Variants in WDR1 observed in about 807,000 individuals in gnomAD.
The protein encoded by WDR1 is WD repeat domain 1.
WDR1 carries 21 observed loss-of-function variants against 71.9 expected under a neutral mutation model. The ratio of observed to expected loss-of-function variants is 0.29; its 90% CI spans 0.21 to 0.42. The LOEUF (loss-of-function observed/expected upper bound fraction) is 0.42, where lower values mean the gene tolerates loss of function less well. Ranked by LOEUF, WDR1 falls within the 10% of genes least tolerant of loss-of-function variation. The probability of loss-of-function intolerance (pLI) is 1.00; values close to 1 mark genes in which losing one functional copy is unlikely to be tolerated. For missense variants in WDR1, 696 were observed against 824.5 expected, an observed-to-expected ratio of 0.84 and a Z score of 1.91; for synonymous variants, 424 against 347.4, an observed-to-expected ratio of 1.22 and a Z score of -2.45.
chr4:10,111,042 C>G (rs988550793), intron 2 of WDR1, among the ~76,000 whole-genome samples: 1 of 152,260 alleles, frequency 6.6e-6, no homozygotes, highest in Non-Finnish European at 1.5e-5. Flanking sequence ...GGAACCTGCG[C>G]TGACGCCGCC....
intron 2 of WDR1, among the ~76,000 whole-genome samples, chr4:10,114,000 C>T (rs561853613): frequency 6.6e-6 from 1 of 152,182 alleles, no homozygotes; most frequent in Non-Finnish European, 1.5e-5. Flanking sequence ...GCATTCCAAA[C>T]AGACCATCAT....
chr4:10,082,747 C>G (rs1765065939), intron 10 of WDR1, among the ~76,000 whole-genome samples: 2 of 152,202 alleles, frequency 1.3e-5, no homozygotes, highest in Admixed American at 1.3e-4. Flanking sequence ...GCAGCAGGTT[C>G]CTGGAGAACA....
chr4:10,111,900 A>C (rs1020087871), intron 2 of WDR1, among the ~76,000 whole-genome samples: 1 of 150,872 alleles, frequency 6.6e-6, no homozygotes, highest in Non-Finnish European at 1.5e-5. Flanking sequence ...GCACTCCCGG[A>C]AACTCAATTT....
chr4:10,089,749 C>T (rs955336208), intron 5 of WDR1, among the ~76,000 whole-genome samples: 1 of 152,202 alleles, frequency 6.6e-6, no homozygotes. Context: ...AACCCCAAGG[C>T]GGATAAGCTG....
chr4:10,088,398 GT>G, intron 6 of WDR1, 25 bp from the exon 7 acceptor site: 2 of 1,547,824 alleles, frequency 1.3e-6, no homozygotes, highest in Non-Finnish European at 1.7e-6. Context: ...AAACATGTGG[GT>G]CATGTGTGTG....
intron 2 of WDR1, among the ~76,000 whole-genome samples, chr4:10,112,679 G>T (rs1192334028): frequency 1.3e-5 from 2 of 150,906 alleles, no homozygotes; most frequent in African/African-American, 4.9e-5. Context: ...ACAAAATTTA[G>T]GTCCGGCAAT....
At chr4:10,107,086 A>G (rs1324906415) in intron 2 of WDR1, among the ~76,000 whole-genome samples, 1 of 152,182 alleles carries the variant, frequency 6.6e-6, no homozygotes, top group Non-Finnish European at 1.5e-5. Context: ...GCAGGAAGCC[A>G]ATTCCAGGAG....
chr4:10,097,664 C>T, intron 5 of WDR1, 47 bp downstream of exon 5: 15 of 1,576,138 alleles, frequency 9.5e-6, no homozygotes, highest in Non-Finnish European at 1.2e-5. Context: ...CCTCTGCTAG[C>T]CTCATGTACA....
intron 2 of WDR1, 108 bp downstream of exon 2, chr4:10,116,005 A>C (rs1327909308): frequency 1.4e-6 from 2 of 1,451,204 alleles, no homozygotes; most frequent in Non-Finnish European, 1.9e-6. Context: ...TGGCGCCCTC[A>C]CCCTCCCCGG....
chr4:10,099,174 C>CGGGGGGGGGGGGGGGGGGGGGGGG, intron 3 of WDR1, 35 bp from the exon 4 acceptor site: 1 of 109,374 alleles, frequency 9.1e-6, no homozygotes, highest in Admixed American at 1.3e-4. Context: ...GGGGGGGAGG[C>CGGGGGGGGGGGGGGGGGGGGGGGG]GGTGGTGGGG....
intron 5 of WDR1, among the ~76,000 whole-genome samples, chr4:10,095,494 C>T (rs1222775805): frequency 6.6e-6 from 1 of 152,184 alleles, no homozygotes; most frequent in East Asian, 1.9e-4. Flanking sequence ...ACTCACACCT[C>T]CTCTCACTTC....
At chr4:10,095,795 G>C (rs1300080355) in intron 5 of WDR1, 1 of 152,262 alleles carries the variant, frequency 6.6e-6, no homozygotes, top group East Asian at 1.9e-4. Context: ...CCCTGTTTCC[G>C]GGAGGGCCCA....
At chr4:10,097,670 G>A in intron 5 of WDR1, 41 bp downstream of exon 5, 1 of 1,587,344 alleles carries the variant, frequency 6.3e-7, no homozygotes, top group Non-Finnish European at 8.6e-7. Context: ...CTAGCCTCAT[G>A]TACAAACCAC....
intron 5 of WDR1, chr4:10,094,661 G>A (rs1441564968): frequency 6.6e-6 from 1 of 152,216 alleles, no homozygotes; most frequent in Non-Finnish European, 1.5e-5. Flanking sequence ...AACCCCGGAA[G>A]TTACTTCCGC....
Position 10,075,075 on chromosome 4 carries a change from G to A in WDR1, c.*303C>T. ...GGGGCCAGGGGCTCTGTGTGCTTTG[G>A]AGGCTACTGCCTCTGGAATGTTTCG... On this transcript the variant is annotated 3_prime_UTR_variant, in exon 15 of 15. Transcript: ENST00000499869. 2 of 461,088 alleles carry A rather than the reference G, an allele frequency of 4.3e-6. No homozygotes were observed. The highest frequency in any genetic ancestry group is 7.7e-6 in the Non-Finnish European group (2 of 260,542). 28.6% of individuals were successfully genotyped at this position (461,088 alleles called of 1,614,324 possible). A position where few individuals can be genotyped will look rare whatever the true frequency, so the allele number is the denominator to read the frequency against.
At chr4:10,116,485 G>A (rs1713740747) in intron 1 of WDR1, 166 bp downstream of exon 1, 1 of 711,128 alleles carries the variant, frequency 1.4e-6, no homozygotes, top group Non-Finnish European at 1.9e-6. Context: ...CCCGTCGGGG[G>A]TCCCGCCCTG....
chr4:10,077,761 C>T lies in WDR1; in HGVS notation c.1561G>A (p.Gly521Ser), dbSNP rs756547505. 10 of 1,586,896 alleles carry T rather than the reference C, an allele frequency of 6.3e-6. No individual in the cohort carries two copies. The highest frequency in any genetic ancestry group is 2.3e-5 in the South Asian group (2 of 87,786). Residue 521 changes from glycine (G) to serine (S), a missense_variant, in exon 13 of 15, where the codon GGC becomes AGC. Transcript: ENST00000499869. ...KVVTVFSVAD[G>S]YSENNVFYGH... Reference sequence around the variant, plus strand: ...AGCCCGCCGCCACTCACCGAGTAGCCGTCAGCAACGCTGAACACTGTGACC... The same window carrying T: ...AGCCCGCCGCCACTCACCGAGTAGCTGTCAGCAACGCTGAACACTGTGACC...
chr4:10,078,521 G>C lies in WDR1; in HGVS notation c.1395+370C>G, dbSNP rs575612588. The C allele has an allele frequency of 8.7e-4, 178 of 204,210 alleles. 1 individual carries two copies. The highest frequency in any genetic ancestry group is 3.5e-3 in the African/African-American group (153 of 43,392). 12.6% of individuals were successfully genotyped at this position (204,210 alleles called of 1,614,324 possible). Reference sequence around the variant, plus strand: ...ACCTGTGAGCCGAGCCCAGCCCCAGGGGATGCCATTCCTTGATTTCCTGAC... The same window carrying C: ...ACCTGTGAGCCGAGCCCAGCCCCAGCGGATGCCATTCCTTGATTTCCTGAC... On this transcript the variant is annotated intron_variant, in intron 12 of 14. Coordinates refer to ENST00000499869, the MANE Select transcript of WDR1 (RefSeq NM_017491.5).
chr4:10,080,840 C>A (rs4478188), intron 11 of WDR1, among the ~76,000 whole-genome samples: 16,406 of 152,292 alleles, frequency 0.11, 1,137 homozygotes, highest in East Asian at 0.31. Context: ...CCAAGCTGCT[C>A]TAGGCCTCAG....
Sources: gnomAD v4.1 joint callset for allele counts (sites outside exome capture counted in the v4.1 genomes callset) on GRCh38, gnomAD v4.1.1 for gene constraint, MANE v1.5 for transcripts, NCBI Gene and HGNC (gene_info 2026-07-23, HGNC 2026-07-21) for gene names.